CPS1: variants seen among roughly 807,000 people sequenced by gnomAD.
The protein encoded by CPS1 is carbamoyl-phosphate synthase [ammonia], mitochondrial.
Under a neutral mutation model 174.6 loss-of-function variants are expected in CPS1, and 109 were observed. The ratio of observed to expected loss-of-function variants is 0.62; its 90% CI spans 0.53 to 0.73. The LOEUF (loss-of-function observed/expected upper bound fraction) is 0.73. CPS1 is among the 30% of genes least tolerant of loss of function. The pLI is 0.00. For synonymous variants in CPS1, 637 were observed against 632.0 expected (o/e 1.01, Z -0.12); for missense variants, 1,689 against 1,821.9 (o/e 0.93, Z 1.33).
chr2:210,613,914 A>G (rs1323215840), intron 20 of CPS1, among the ~76,000 whole-genome samples: 1 of 151,910 alleles, frequency 6.6e-6, no homozygotes, highest in Non-Finnish European at 1.5e-5. Context: ...GTTCATTTCA[A>G]CAGCAGCCGG....
chr2:210,510,148 C>A (rs1695421445), intron 1 of CPS1, among the ~76,000 whole-genome samples: 2 of 152,052 alleles, frequency 1.3e-5, no homozygotes, highest in African/African-American at 2.4e-5. Context: ...AACAGTAACC[C>A]AAACAGCATG....
chr2:210,646,724 A>G (rs1700387052), intron 25 of CPS1, among the ~76,000 whole-genome samples: 1 of 152,258 alleles, frequency 6.6e-6, no homozygotes, highest in South Asian at 2.1e-4. Flanking sequence ...GGCAGGTATT[A>G]TCCTAATTTT....
chr2:210,489,774 A>G (rs1279309707), intron 1 of CPS1, among the ~76,000 whole-genome samples: 5 of 152,110 alleles, frequency 3.3e-5, no homozygotes, highest in Non-Finnish European at 7.4e-5. Flanking sequence ...CGAGGCAGGC[A>G]GATCACGAGG....
intron 21 of CPS1, among the ~76,000 whole-genome samples, chr2:210,637,168 A>G (rs1260081763): frequency 6.6e-6 from 1 of 152,096 alleles, no homozygotes; most frequent in African/African-American, 2.4e-5. Context: ...AGAGGGAGAG[A>G]GGGAAGACAA....
At chr2:210,621,573 A>G (rs1456087403) in intron 21 of CPS1, among the ~76,000 whole-genome samples, 1 of 152,102 alleles carries the variant, frequency 6.6e-6, no homozygotes, top group East Asian at 1.9e-4. Context: ...CAAAAGAAAA[A>G]TATCCTTACT....
chr2:210,547,254 T>C (rs992115442), intron 1 of CPS1, among the ~76,000 whole-genome samples: 4 of 152,172 alleles, frequency 2.6e-5, no homozygotes. Context: ...GTAAACATTA[T>C]TTTAAAAAGC....
Position 210,641,573 on chromosome 2 carries a change from C to T in CPS1, c.2960-911C>T, listed in dbSNP as rs1171518453. ...TTCAGGAGACACGTTCAGGCCATGG[C>T]AGTTATCTTATGGTGAAATAGCCTG... On this transcript the variant is annotated intron_variant, in intron 24 of 37. Coordinates refer to ENST00000233072, the MANE Select transcript of CPS1 (RefSeq NM_001875.5). Among the ~76,000 whole-genome samples, 3 of 152,182 alleles carry T rather than the reference C, an allele frequency of 2.0e-5. No individual in the cohort carries two copies. In the East Asian group the frequency reaches 5.8e-4, roughly 29 times the overall value.
At chr2:210,600,109 T>C (rs1698660594) in intron 14 of CPS1, among the ~76,000 whole-genome samples, 1 of 149,106 alleles carries the variant, frequency 6.7e-6, no homozygotes, top group Non-Finnish European at 1.5e-5. Flanking sequence ...ATAACTTGTA[T>C]GTCAAAAAAA....
Position 210,514,952 on chromosome 2 carries a change from T to C in CPS1, c.3+37186T>C, listed in dbSNP as rs549198500. Among the ~76,000 whole-genome samples the C allele has an allele frequency of 1.1e-3, 164 of 151,772 alleles. 6 individuals carry two copies. The South Asian group carries it at 0.032, about 30-fold the overall frequency. ...AAAGCTTTTTCTACCTCTTTTACAA[T>C]GATCATATGTTTTGTTGTTAATTCT... On this transcript the variant is annotated intron_variant, in intron 1 of 38. Coordinates refer to the CPS1 transcript ENST00000430249.
chr2:210,497,861 A>G (rs912915877), intron 1 of CPS1, among the ~76,000 whole-genome samples: 32 of 131,230 alleles, frequency 2.4e-4, no homozygotes, highest in Non-Finnish European at 6.5e-5. Flanking sequence ...ATGTGCATGC[A>G]TGTGTCTTTT....
chr2:210,573,258 A>G (rs1330668732), intron 1 of CPS1, 40 bp from the exon 2 acceptor site: 4 of 1,510,196 alleles, frequency 2.6e-6, no homozygotes, highest in East Asian at 4.5e-5. Flanking sequence ...TGTGTTTTGT[A>G]TTATGTATTC....
At chr2:210,484,858 T>G (rs188076382) in intron 1 of CPS1, among the ~76,000 whole-genome samples, 349 of 152,292 alleles carry the variant, frequency 2.3e-3, no homozygotes, top group Non-Finnish European at 3.5e-3. Context: ...AAAAACTGAT[T>G]GTCTCAGTGA....
intron 1 of CPS1, among the ~76,000 whole-genome samples, chr2:210,500,779 C>T (rs1231133806): frequency 6.6e-6 from 1 of 152,318 alleles, no homozygotes; most frequent in Middle Eastern, 3.4e-3. Flanking sequence ...ATCTACCATT[C>T]TGGGGTCTGG....
At chr2:210,498,472 G>A (rs1056312017) in intron 1 of CPS1, among the ~76,000 whole-genome samples, 11 of 152,102 alleles carry the variant, frequency 7.2e-5, no homozygotes, top group African/African-American at 2.7e-4. Flanking sequence ...TGTTATTGGT[G>A]TATGGAAATG....
intron 33 of CPS1, among the ~76,000 whole-genome samples, chr2:210,664,741 TTA>T (rs1459589902): frequency 2.0e-5 from 3 of 152,216 alleles, no homozygotes; most frequent in Admixed American, 6.5e-5. Context: ...CTCCCCTTTG[TTA>T]TATCTGTTTC....
intron 1 of CPS1, among the ~76,000 whole-genome samples, chr2:210,483,214 ACT>A (rs61429317): frequency 0.2 from 31,064 of 151,994 alleles, 3,688 homozygotes; most frequent in Middle Eastern, 0.34. Context: ...GTGTGTAAAG[ACT>A]CATAAACCTT....
intron 13 of CPS1, among the ~76,000 whole-genome samples, chr2:210,597,577 G>A (rs548729607): frequency 6.6e-6 from 1 of 151,752 alleles, no homozygotes; most frequent in South Asian, 2.1e-4. Context: ...CCAAAGATAT[G>A]TGGGGTTTTC....
chr2:210,664,303 G>T (rs1701019571), intron 33 of CPS1, among the ~76,000 whole-genome samples: 2 of 152,110 alleles, frequency 1.3e-5, no homozygotes, highest in East Asian at 1.9e-4. Flanking sequence ...ATCAGAGAGA[G>T]ATCTATTTTC....
chr2:210,618,392 GT>G (rs1257255558), intron 21 of CPS1: 1 of 152,006 alleles, frequency 6.6e-6, no homozygotes, highest in Non-Finnish European at 1.5e-5. Context: ...GTATAAATTT[GT>G]TTTTGATCCA....
Sources: gnomAD v4.1 joint callset for allele counts (sites outside exome capture counted in the v4.1 genomes callset) on GRCh38, gnomAD v4.1.1 for gene constraint, MANE v1.5 for transcripts, NCBI Gene and HGNC (gene_info 2026-07-23, HGNC 2026-07-21) for gene names.